Variants in RETREG1 observed in about 807,000 individuals in gnomAD.
RETREG1 encodes the protein family with sequence similarity 134 member B.
RETREG1 carries 44 observed loss-of-function variants against 54.8 expected under a neutral mutation model. The ratio of observed to expected loss-of-function variants is 0.80; its 90% CI spans 0.63 to 1.03. RETREG1 has a LOEUF of 1.03. Among genes scored for constraint, RETREG1 ranks in the 50% least tolerant of loss-of-function variants. The probability of loss-of-function intolerance (pLI) is 0.00; values close to 1 mark genes in which losing one functional copy is unlikely to be tolerated. For missense variants in RETREG1, 554 were observed against 605.1 expected (o/e 0.92, Z 0.89); for synonymous variants, 217 against 238.5 (o/e 0.91, Z 0.83).
At position 16,616,899 on chromosome 5, in the gene RETREG1, G is replaced by C. The variant is rs1477910110; in HGVS notation, c.73C>G (p.Pro25Ala). Residue 25 changes from proline (P) to alanine (A), a missense_variant, in exon 1 of 9, where the codon CCG (proline) becomes GCG (alanine). Pro to Ala is a conservative substitution (Grantham distance 27, BLOSUM62 -1). Transcript: ENST00000306320. Reference sequence around the variant, plus strand: ...GATGCCTGGGGCGGTGGCGGCGACGGCGGCGCCTGCTCCTCGGCGGCAGGA... The same window carrying C: ...GATGCCTGGGGCGGTGGCGGCGACGCCGGCGCCTGCTCCTCGGCGGCAGGA... The part of the protein sequence containing the change: ...PAPAAEEQAP[P>A]SPPPPQASPA... 2 of 1,481,324 alleles carry C rather than the reference G, an allele frequency of 1.4e-6. No homozygotes were observed. The highest frequency in any genetic ancestry group is 2.3e-5 in the Admixed American group (1 of 43,526). 91.8% of individuals were successfully genotyped at this position (1,481,324 alleles called of 1,614,324 possible). A position where few individuals can be genotyped will look rare whatever the true frequency, so the allele number is the denominator to read the frequency against.
chr5:16,482,142 C>T (rs777894598), intron 4 of RETREG1, among the ~76,000 whole-genome samples: 1 of 151,894 alleles, frequency 6.6e-6, no homozygotes, highest in East Asian at 1.9e-4. Flanking sequence ...AAATTAAGAG[C>T]TGTTTCTAAA....
intron 1 of RETREG1, among the ~76,000 whole-genome samples, chr5:16,582,704 A>G (rs1025145398): frequency 6.6e-6 from 1 of 151,648 alleles, no homozygotes; most frequent in Non-Finnish European, 1.5e-5. Context: ...GCTTATTTCC[A>G]TATCAGAACA....
chr5:16,517,694 T>C (rs1740403981), intron 3 of RETREG1, among the ~76,000 whole-genome samples: 2 of 152,308 alleles, frequency 1.3e-5, no homozygotes, highest in Non-Finnish European at 2.9e-5. Context: ...CCACATGTTT[T>C]TGATCAAGCA....
intron 3 of RETREG1, among the ~76,000 whole-genome samples, chr5:16,510,381 G>A (rs1005505427): frequency 3.3e-5 from 5 of 152,278 alleles, no homozygotes; most frequent in African/African-American, 4.8e-5. Context: ...CGGGGTGTGC[G>A]AGAGCCTGTC....
chr5:16,611,316 A>C (rs1237220337), intron 1 of RETREG1, among the ~76,000 whole-genome samples: 1 of 152,190 alleles, frequency 6.6e-6, no homozygotes, highest in Non-Finnish European at 1.5e-5. Flanking sequence ...TGATGAGTTA[A>C]TGGGTGCAGC....
chr5:16,559,705 C>G (rs80044253), intron 3 of RETREG1, among the ~76,000 whole-genome samples: 1,574 of 152,270 alleles, frequency 0.01, 30 homozygotes, highest in African/African-American at 0.036. Flanking sequence ...TTATAACATA[C>G]TTGGAAAAAC....
chr5:16,599,610 C>G (rs1304437009), intron 1 of RETREG1, among the ~76,000 whole-genome samples: 3 of 152,148 alleles, frequency 2.0e-5, no homozygotes, highest in African/African-American at 7.2e-5. Flanking sequence ...TTACTGAGCA[C>G]CTACCATATA....
chr5:16,581,944 A>G (rs1006614415), intron 1 of RETREG1, among the ~76,000 whole-genome samples: 1 of 152,160 alleles, frequency 6.6e-6, no homozygotes, highest in African/African-American at 2.4e-5. Context: ...TCAACCCATC[A>G]CCTAGGTATT....
intron 3 of RETREG1, among the ~76,000 whole-genome samples, chr5:16,484,186 T>C (rs1738928375): frequency 6.6e-6 from 1 of 152,124 alleles, no homozygotes; most frequent in East Asian, 1.9e-4. Context: ...GGCAACCAGC[T>C]TTCTCCCTGC....
chr5:16,497,358 A>G (rs1739503574), intron 3 of RETREG1, among the ~76,000 whole-genome samples: 1 of 152,226 alleles, frequency 6.6e-6, no homozygotes, highest in South Asian at 2.1e-4. Flanking sequence ...TTGGCTAACA[A>G]TAAGTGAAAT....
chr5:16,525,569 C>T (rs1325332520), intron 3 of RETREG1, among the ~76,000 whole-genome samples: 3 of 152,126 alleles, frequency 2.0e-5, no homozygotes, highest in African/African-American at 2.4e-5. Context: ...GATGAGATGG[C>T]GTCTTCCTCT....
At chr5:16,574,440 G>C (rs1049515944) in intron 1 of RETREG1, among the ~76,000 whole-genome samples, 1 of 152,228 alleles carries the variant, frequency 6.6e-6, no homozygotes, top group Admixed American at 6.5e-5. Context: ...ATGGAGTCCA[G>C]ACCACCTACT....
chr5:16,529,014 A>G (rs988880591), intron 3 of RETREG1, among the ~76,000 whole-genome samples: 3 of 152,212 alleles, frequency 2.0e-5, no homozygotes, highest in South Asian at 2.1e-4. Context: ...CAAACAAACA[A>G]AATCTGGAAG....
chr5:16,614,959 C>T (rs574934165), intron 1 of RETREG1, among the ~76,000 whole-genome samples: 1 of 152,308 alleles, frequency 6.6e-6, no homozygotes, highest in East Asian at 1.9e-4. Flanking sequence ...AAACTAGCAA[C>T]ATTGCTGGCC....
At chr5:16,573,679 T>G (rs954355020) in intron 1 of RETREG1, among the ~76,000 whole-genome samples, 3 of 149,168 alleles carry the variant, frequency 2.0e-5, no homozygotes, top group African/African-American at 7.4e-5. Flanking sequence ...GGAGGATGGA[T>G]TCGCTCCAAA....
At chr5:16,592,755 G>A (rs940098923) in intron 1 of RETREG1, among the ~76,000 whole-genome samples, 5 of 152,174 alleles carry the variant, frequency 3.3e-5, no homozygotes, top group Admixed American at 6.5e-5. Flanking sequence ...AACATGGATG[G>A]AGCTAGAGGC....
At chr5:16,483,507 C>T in intron 3 of RETREG1, 35 bp from the exon 4 acceptor site, 1 of 1,608,766 alleles carries the variant, frequency 6.2e-7, no homozygotes. Context: ...TACTACTGAA[C>T]TTTGGATGAT....
At chr5:16,566,471 C>A (rs1379774900) in intron 2 of RETREG1, among the ~76,000 whole-genome samples, 1 of 152,154 alleles carries the variant, frequency 6.6e-6, no homozygotes, top group Non-Finnish European at 1.5e-5. Flanking sequence ...ATATTATACT[C>A]CCAGCTACCA....
intron 3 of RETREG1, among the ~76,000 whole-genome samples, chr5:16,496,712 A>C (rs1041804909): frequency 1.3e-5 from 2 of 152,260 alleles, no homozygotes; most frequent in African/African-American, 4.8e-5. Context: ...ATCAGTTTAC[A>C]TAATTTTATG....
Sources: gnomAD v4.1 joint callset for allele counts (sites outside exome capture counted in the v4.1 genomes callset) on GRCh38, gnomAD v4.1.1 for gene constraint, MANE v1.5 for transcripts, NCBI Gene and HGNC (gene_info 2026-07-23, HGNC 2026-07-21) for gene names.